Variants in PVT1 observed in about 807,000 individuals in gnomAD.
The protein encoded by PVT1 is CXCR4/PVT1 fusion.
intron 4 of PVT1, among the ~76,000 whole-genome samples, chr8:128,039,583 A>G (rs191322700): frequency 7.6e-4 from 116 of 152,288 alleles, no homozygotes; most frequent in African/African-American, 2.5e-3. Context: ...GTGGCTGGGG[A>G]GACAGTCTAG....
intron 3 of PVT1, among the ~76,000 whole-genome samples, chr8:127,921,770 G>A (rs1425257543): frequency 6.8e-6 from 1 of 147,322 alleles, no homozygotes; most frequent in African/African-American, 2.5e-5. Context: ...CCAACATCAC[G>A]TCACTGCACT....
intron 3 of PVT1, among the ~76,000 whole-genome samples, chr8:127,917,187 C>T (rs1459960098): frequency 1.1e-4 from 16 of 152,136 alleles, no homozygotes; most frequent in Non-Finnish European, 4.4e-5. Context: ...GCCTGCGCTA[C>T]CATCTAATCC....
intron 2 of PVT1, among the ~76,000 whole-genome samples, chr8:127,845,567 G>C (rs1815022348): frequency 6.6e-6 from 1 of 152,194 alleles, no homozygotes; most frequent in Admixed American, 6.5e-5. Context: ...AGGAACTTAA[G>C]AATGCTAGTC....
At chr8:128,044,853 C>T (rs1037439145) in intron 4 of PVT1, among the ~76,000 whole-genome samples, 1 of 152,198 alleles carries the variant, frequency 6.6e-6, no homozygotes, top group African/African-American at 2.4e-5. Context: ...TTATCTTTGT[C>T]CCTCCTGAGG....
chr8:128,063,301 T>C (rs1167528011), intron 4 of PVT1, among the ~76,000 whole-genome samples: 1 of 151,978 alleles, frequency 6.6e-6, no homozygotes, highest in Non-Finnish European at 1.5e-5. Context: ...TCACTTTAGG[T>C]CAGAAGTTCA....
chr8:127,904,091 C>T (rs889090414), intron 3 of PVT1, among the ~76,000 whole-genome samples: 1 of 152,094 alleles, frequency 6.6e-6, no homozygotes, highest in Non-Finnish European at 1.5e-5. Context: ...TGTGTCATGT[C>T]TGATTTCTTT....
At chr8:128,083,864 C>G (rs1025952716) in intron 5 of PVT1, among the ~76,000 whole-genome samples, 1 of 152,136 alleles carries the variant, frequency 6.6e-6, no homozygotes, top group African/African-American at 2.4e-5. Context: ...CTGTCGGGGT[C>G]CCACTCTAAT....
chr8:127,972,130 G>A (rs1816771085), intron 3 of PVT1, among the ~76,000 whole-genome samples: 1 of 152,246 alleles, frequency 6.6e-6, no homozygotes, highest in East Asian at 1.9e-4. Flanking sequence ...TCCAGTGTTG[G>A]GATGGCAGCA....
At chr8:127,858,469 G>A (rs1012929732) in intron 2 of PVT1, among the ~76,000 whole-genome samples, 11 of 151,644 alleles carry the variant, frequency 7.3e-5, no homozygotes, top group African/African-American at 2.4e-4. Flanking sequence ...TTGAGGTTTC[G>A]GTTTGGGCAT....
chr8:128,027,987 G>C (rs1218278250), intron 4 of PVT1, among the ~76,000 whole-genome samples: 14 of 152,186 alleles, frequency 9.2e-5, no homozygotes, highest in Admixed American at 9.2e-4. Context: ...GCTGCCCAGT[G>C]CCAAGTGCAC....
chr8:127,853,590 G>C (rs1253614329), intron 2 of PVT1, among the ~76,000 whole-genome samples: 1 of 152,062 alleles, frequency 6.6e-6, no homozygotes, highest in East Asian at 1.9e-4. Context: ...AGACCAACCT[G>C]GGCAACATGG....
intron 3 of PVT1, among the ~76,000 whole-genome samples, chr8:127,922,276 AC>A (rs33932004): frequency 0.56 from 62,002 of 110,634 alleles, 16,826 homozygotes; most frequent in Middle Eastern, 0.71. Context: ...CAAGATACCC[AC>A]CCCCCCCCCC....
chr8:127,817,325 G>A (rs1639074196), intron 2 of PVT1, among the ~76,000 whole-genome samples: 1 of 147,716 alleles, frequency 6.8e-6, no homozygotes, highest in African/African-American at 2.5e-5. Flanking sequence ...TACCTCAGTA[G>A]TTTCCCTGTC....
intron 6 of PVT1, among the ~76,000 whole-genome samples, chr8:128,098,643 C>G (rs932846248): frequency 6.6e-6 from 1 of 152,184 alleles, no homozygotes; most frequent in Non-Finnish European, 1.5e-5. Context: ...TACCTGGCAG[C>G]GTGTCTTATA....
chr8:127,814,898 C>T (rs948211056), intron 2 of PVT1, among the ~76,000 whole-genome samples: 3 of 152,216 alleles, frequency 2.0e-5, no homozygotes, highest in Non-Finnish European at 4.4e-5. Context: ...CCCTAAGCAT[C>T]CGTATAGGTG....
intron 4 of PVT1, among the ~76,000 whole-genome samples, chr8:128,057,599 G>A (rs186863510): frequency 8.5e-5 from 13 of 152,298 alleles, no homozygotes; most frequent in Admixed American, 2.6e-4. Flanking sequence ...TGAGGTGTCC[G>A]TCCCTCCAAG....
At chr8:128,083,399 C>G (rs1458178229) in intron 5 of PVT1, among the ~76,000 whole-genome samples, 2 of 152,232 alleles carry the variant, frequency 1.3e-5, no homozygotes, top group Non-Finnish European at 2.9e-5. Context: ...TTAAGCAGAA[C>G]CTTCACCCTT....
intron 3 of PVT1, among the ~76,000 whole-genome samples, chr8:127,960,325 G>C (rs1800603762): frequency 6.6e-6 from 1 of 152,154 alleles, no homozygotes; most frequent in Admixed American, 6.5e-5. Context: ...TCAGGTCACA[G>C]AGTGGCTCTC....
chr8:127,902,981 T>C (rs1294885158), intron 3 of PVT1, among the ~76,000 whole-genome samples: 1 of 152,200 alleles, frequency 6.6e-6, no homozygotes, highest in Non-Finnish European at 1.5e-5. Flanking sequence ...TAAATGGTAG[T>C]TCAACTTGGA....
Sources: allele counts gnomAD v4.1 joint callset (sites outside exome capture counted in the v4.1 genomes callset), GRCh38; gene constraint gnomAD v4.1.1; transcripts MANE v1.5; gene names NCBI Gene and HGNC (gene_info 2026-07-23, HGNC 2026-07-21).